HDAC8: variants seen among roughly 807,000 people sequenced by gnomAD.
HDAC8 encodes histone deacetylase 8, also known as histone deacetylase-like 1.
HDAC8 carries 1 observed loss-of-function variant against 32.2 expected under a neutral mutation model. The observed-to-expected ratio is 0.03, with a 90% confidence interval of 0.01 to 0.15. The LOEUF (loss-of-function observed/expected upper bound fraction) is 0.15. Ranked by LOEUF, HDAC8 falls within the 10% of genes least tolerant of loss-of-function variation. The pLI, the probability that HDAC8 is intolerant of heterozygous loss-of-function variation, is 1.00. For synonymous variants in HDAC8, 108 were observed against 113.9 expected, an observed-to-expected ratio of 0.95 and a Z score of 0.33; for missense variants, 117 against 300.0, an observed-to-expected ratio of 0.39 and a Z score of 4.51.
intron 4 of HDAC8, among the ~76,000 whole-genome samples, chrX:72,564,415 TA>T (rs2051703827): frequency 8.9e-6 from 1 of 112,550 alleles, no homozygotes; most frequent in Non-Finnish European, 1.9e-5. Flanking sequence ...AAAAACCTTT[TA>T]AAAGTTATTT....
chrX:72,377,629 GCT>G (rs2045123319), intron 9 of HDAC8, among the ~76,000 whole-genome samples: 1 of 111,971 alleles, frequency 8.9e-6, no homozygotes, highest in Non-Finnish European at 1.9e-5. Context: ...AGCCACACCA[GCT>G]CTCTTTTTGT....
At chrX:72,432,297 C>T (rs1196458137) in intron 9 of HDAC8, among the ~76,000 whole-genome samples, 1 of 110,880 alleles carries the variant, frequency 9.0e-6, no homozygotes, top group African/African-American at 3.3e-5. Flanking sequence ...AAACACACAT[C>T]ACATCCTGGT....
intron 4 of HDAC8, among the ~76,000 whole-genome samples, chrX:72,532,369 C>T (rs1556036539): frequency 9.6e-6 from 1 of 103,841 alleles, no homozygotes; most frequent in Admixed American, 1.1e-4. Flanking sequence ...GTTGGGATTA[C>T]AGGCGTAAGC....
intron 9 of HDAC8, among the ~76,000 whole-genome samples, chrX:72,446,528 A>G (rs1555984907): frequency 2.7e-5 from 3 of 109,895 alleles, no homozygotes; most frequent in Non-Finnish European, 5.7e-5. Flanking sequence ...CACTCTGGGG[A>G]CTGTTGCGGG....
intron 4 of HDAC8, among the ~76,000 whole-genome samples, chrX:72,560,027 G>C (rs1321992339): frequency 8.8e-6 from 1 of 113,259 alleles, no homozygotes; most frequent in African/African-American, 3.2e-5. Flanking sequence ...GAAGTGAGGA[G>C]CCCCTCTGCC....
At chrX:72,358,276 A>AT (rs782630206) in intron 9 of HDAC8, among the ~76,000 whole-genome samples, 3 of 111,218 alleles carry the variant, frequency 2.7e-5, no homozygotes, top group Non-Finnish European at 5.7e-5. Flanking sequence ...TCAGCATATG[A>AT]TTTTTTTCCT....
chrX:72,442,368 A>G (rs2047184902), intron 9 of HDAC8, among the ~76,000 whole-genome samples: 1 of 111,794 alleles, frequency 8.9e-6, no homozygotes, highest in African/African-American at 3.3e-5. Context: ...AGAAGAGAGT[A>G]GGGGCCAACA....
intron 4 of HDAC8, among the ~76,000 whole-genome samples, chrX:72,503,312 C>T (rs1351808430): frequency 8.9e-6 from 1 of 112,135 alleles, no homozygotes; most frequent in Non-Finnish European, 1.9e-5. Context: ...CACTAGTGAA[C>T]TGAGGCAGGA....
At chrX:72,354,677 A>AT (rs1169433332) in intron 9 of HDAC8, among the ~76,000 whole-genome samples, 5 of 111,627 alleles carry the variant, frequency 4.5e-5, no homozygotes, top group African/African-American at 1.6e-4. Flanking sequence ...TTTAAAAAAA[A>AT]TTTTTTAAAT....
chrX:72,467,681 G>A (rs2048058266), intron 7 of HDAC8: 1 of 280,954 alleles, frequency 3.6e-6, no homozygotes, highest in Non-Finnish European at 6.1e-6. Flanking sequence ...CTGTGTGTGT[G>A]TGCTTTGAAG....
In HDAC8 at chrX:72,486,680, C is replaced by A. The variant is rs782637586; in HGVS notation, c.737+2253G>T. Among the ~76,000 whole-genome samples, 313 of 111,336 alleles carry A rather than the reference C, an allele frequency of 2.8e-3. 2 individuals carry two copies. Among genetic ancestry groups the A allele is most frequent in the Non-Finnish European group, 4.8e-3 (257 of 53,015 alleles). On this transcript the variant is annotated intron_variant, in intron 7 of 10. Coordinates refer to ENST00000373573, the MANE Select transcript of HDAC8 (RefSeq NM_018486.3). ...CAACAGGGGAAGACCCTGTCCACAA[C>A]CCCAAAAAAGAAAGGTTCTGTGAAA...
intron 9 of HDAC8, among the ~76,000 whole-genome samples, chrX:72,356,182 G>C (rs1313205053): frequency 8.9e-6 from 1 of 111,758 alleles, no homozygotes; most frequent in African/African-American, 3.3e-5. Flanking sequence ...GCGGAGATTT[G>C]AACTCACGTC....
At chrX:72,539,951 C>T (rs1472207124) in intron 4 of HDAC8, among the ~76,000 whole-genome samples, 1 of 112,173 alleles carries the variant, frequency 8.9e-6, no homozygotes, top group African/African-American at 3.2e-5. Context: ...CTAATGATTC[C>T]CGTGGGGTCA....
chrX:72,490,904 T>A (rs1299293540), intron 6 of HDAC8, 25 bp downstream of exon 6: 3 of 1,065,524 alleles, frequency 2.8e-6, no homozygotes, highest in African/African-American at 3.7e-5. Flanking sequence ...TCATCAAATG[T>A]AATACTGAGT....
chrX:72,431,867 A>T (rs999932428), intron 9 of HDAC8, among the ~76,000 whole-genome samples: 5 of 112,263 alleles, frequency 4.5e-5, no homozygotes, highest in Non-Finnish European at 9.4e-5. Context: ...TAAGGGCTTT[A>T]TATGTATTAC....
intron 9 of HDAC8, among the ~76,000 whole-genome samples, chrX:72,429,015 C>CTTTTT (rs1179263145): frequency 1.1e-5 from 1 of 94,270 alleles, no homozygotes; most frequent in African/African-American, 3.8e-5. Flanking sequence ...TCCTTTCTTT[C>CTTTTT]TTTCTTTCTT....
intron 4 of HDAC8, among the ~76,000 whole-genome samples, chrX:72,537,091 G>C (rs2050554044): frequency 8.9e-6 from 1 of 112,183 alleles, no homozygotes; most frequent in South Asian, 3.7e-4. Context: ...TAGCATTAGA[G>C]TAAATGAAAA....
At chrX:72,339,666 G>A (rs1350045232) in intron 10 of HDAC8, among the ~76,000 whole-genome samples, 1 of 112,072 alleles carries the variant, frequency 8.9e-6, no homozygotes, top group Non-Finnish European at 1.9e-5. Flanking sequence ...GAGAGGCCAT[G>A]GGGAGCCTCT....
chrX:72,448,183 A>G (rs1394181740), intron 9 of HDAC8, among the ~76,000 whole-genome samples: 3 of 111,803 alleles, frequency 2.7e-5, no homozygotes, highest in African/African-American at 3.2e-5. Flanking sequence ...GACTTCAAAC[A>G]ATACTACAAG....
Sources: gnomAD v4.1 joint callset for allele counts (sites outside exome capture counted in the v4.1 genomes callset) on GRCh38, gnomAD v4.1.1 for gene constraint, MANE v1.5 for transcripts, NCBI Gene and HGNC (gene_info 2026-07-23, HGNC 2026-07-21) for gene names.